Variants in BCL2L12 observed in about 807,000 individuals in gnomAD.
BCL2L12 encodes bcl-2-like protein 12.
In BCL2L12, 27 loss-of-function variants were observed where a neutral mutation model predicts 25.7. That is an observed-to-expected ratio of 1.05 (90% CI 0.78 to 1.45). BCL2L12 has a LOEUF of 1.45. Among genes scored for constraint, BCL2L12 ranks in the 40% most tolerant of loss-of-function variants. The pLI is 0.00. For missense variants in BCL2L12, 302 were observed against 329.8 expected (o/e 0.92, Z 0.65); for synonymous variants, 132 against 145.6 (o/e 0.91, Z 0.67).
intron 3 of BCL2L12, 145 bp from the exon 4 acceptor site, chr19:49,668,706 C>A: frequency 1.2e-6 from 1 of 822,970 alleles, no homozygotes; most frequent in Non-Finnish European, 1.8e-6. Context: ...AGGAGAATTG[C>A]GAGACTCCGT....
In BCL2L12 at chr19:49,669,302, G is replaced by A. The variant is rs1229466350; in HGVS notation, c.429+187G>A. 1.1e-5 allele frequency: 13 copies of A among 1,159,358 alleles called. 1 individual carries two copies. In the Admixed American group the frequency reaches 1.5e-4, roughly 13 times the overall value. 71.8% of individuals were successfully genotyped at this position (1,159,358 alleles called of 1,614,324 possible). A position where few individuals can be genotyped will look rare whatever the true frequency, so the allele number is the denominator to read the frequency against. On this transcript the variant is annotated intron_variant, in intron 5 of 6. Coordinates refer to ENST00000246784, the MANE Select transcript of BCL2L12 (RefSeq NM_138639.2). ...TGTAATCCCAGCACTTTGGGAGGCC[G>A]AGTTGGGTGGATGACTTGAGGTCAG... is the stretch of plus-strand genomic sequence containing the variant.
chr19:49,669,223 A>G (rs2081897688), intron 5 of BCL2L12, 108 bp downstream of exon 5: 2 of 1,509,386 alleles, frequency 1.3e-6, no homozygotes, highest in Admixed American at 4.2e-5. Context: ...AGGTGGAAAG[A>G]GGCTGGGACA....
At chr19:49,670,629 T>C (rs1163982685) in intron 6 of BCL2L12, 141 bp downstream of exon 6, 40 of 1,182,558 alleles carry the variant, frequency 3.4e-5, no homozygotes, top group Non-Finnish European at 4.4e-5. Flanking sequence ...GAGCCCTTGC[T>C]GTATGCCAGG....
In BCL2L12 at chr19:49,670,296, T is replaced by C. The variant is rs1256305948; in HGVS notation, c.510T>C (p.Cys170=). The C allele has an allele frequency of 6.2e-7, 1 of 1,610,984 alleles. No homozygotes were observed. Residue 170 remains cysteine (C), a synonymous_variant, in exon 6 of 7, where the codon TGT becomes TGC. Transcript: ENST00000246784. The part of the protein sequence containing the change: ...DSFARLVELF[C]SRDDSSRPSR... ...TCGCCCGCCTGGTGGAGCTGTTCTG[T>C]AGCCGGGATGACAGCTCTCGCCCAA...
At chr19:49,667,291 C>T in intron 3 of BCL2L12, 130 bp downstream of exon 3, 1 of 1,266,476 alleles carries the variant, frequency 7.9e-7, no homozygotes, top group Non-Finnish European at 1.1e-6. Context: ...CCGTCCTGTC[C>T]TCTCCCCTCC....
intron 4 of BCL2L12, 43 bp from the exon 5 acceptor site, chr19:49,668,981 T>G: frequency 6.2e-7 from 1 of 1,613,838 alleles, no homozygotes; most frequent in Non-Finnish European, 8.5e-7. Context: ...GGTGGGAGGA[T>G]AGTCAGGGTT....
At chr19:49,667,845 A>G (rs879468126) in intron 3 of BCL2L12, among the ~76,000 whole-genome samples, 4 of 152,040 alleles carry the variant, frequency 2.6e-5, no homozygotes, top group African/African-American at 4.8e-5. Flanking sequence ...CAGGGGTGCA[A>G]TCTCGACTCA....
At chr19:49,670,771 AC>A (rs998988548) in intron 6 of BCL2L12, among the ~76,000 whole-genome samples, 12 of 151,916 alleles carry the variant, frequency 7.9e-5, no homozygotes, top group Admixed American at 5.9e-4. Context: ...TAATCCCAGC[AC>A]TTTTGGAGGC....
Position 49,666,008 on chromosome 19 carries a change from G to T in BCL2L12, c.-68G>T. 6.3e-7 allele frequency: 1 copy of T among 1,590,006 alleles called. No homozygotes were observed. The highest frequency in any genetic ancestry group is 8.6e-7 in the Non-Finnish European group (1 of 1,166,720). On this transcript the variant is annotated 5_prime_UTR_variant, in exon 1 of 7. Coordinates refer to ENST00000246784, the MANE Select transcript of BCL2L12 (RefSeq NM_138639.2). ...AAAGTTGAACTAATAAAGTTTGTACGAGTTCAGTGGAGGAGACCGCAAGTT... is the reference window on the plus strand; with the variant it reads ...AAAGTTGAACTAATAAAGTTTGTACTAGTTCAGTGGAGGAGACCGCAAGTT...
At chr19:49,670,513 C>T (rs562138186) in intron 6 of BCL2L12, 25 bp downstream of exon 6, 14 of 1,534,760 alleles carry the variant, frequency 9.1e-6, no homozygotes, top group East Asian at 2.5e-5. Flanking sequence ...CCTCTCTCTC[C>T]GGGCCTCACT....
At chr19:49,669,157 G>A (rs2081895961) in intron 5 of BCL2L12, 42 bp downstream of exon 5, 1 of 1,605,674 alleles carries the variant, frequency 6.2e-7, no homozygotes. Context: ...GACAGGAGTT[G>A]CGGAATGGTG....
rs1381054217 is a variant in BCL2L12 at position 49,670,413 on chromosome 19, G to T, written c.627G>T (p.Leu209=). Reference sequence around the variant, plus strand: ...AGCTGAGCCGGCGCGTGGCCGGGCTGGGGGGCACCCTGGCCGGACTCAGCG... The same window carrying T: ...AGCTGAGCCGGCGCGTGGCCGGGCTTGGGGGCACCCTGGCCGGACTCAGCG... ...AMELSRRVAG[L]GGTLAGLSVE... Residue 209 remains leucine (L), a synonymous_variant, in exon 6 of 7, where the codon CTG becomes CTT. Transcript: ENST00000246784. 1 of 1,543,492 alleles carries T rather than the reference G, an allele frequency of 6.5e-7. No individual in the cohort carries two copies.
intron 3 of BCL2L12, among the ~76,000 whole-genome samples, chr19:49,667,572 C>G (rs1378916003): frequency 6.6e-6 from 1 of 152,158 alleles, no homozygotes; most frequent in Non-Finnish European, 1.5e-5. Flanking sequence ...TGGACTTGAT[C>G]AAGGTGACCC....
intron 3 of BCL2L12, among the ~76,000 whole-genome samples, chr19:49,668,328 A>G (rs558723306): frequency 2.2e-4 from 33 of 150,256 alleles, no homozygotes; most frequent in Non-Finnish European, 1.0e-4. Context: ...CGAACTCCCA[A>G]CCTCAGGTGA....
At position 49,668,720 on chromosome 19, in the gene BCL2L12, C is replaced by A. The variant is rs1388947029; in HGVS notation, c.251-131C>A. The A allele has an allele frequency of 4.2e-6, 4 of 961,738 alleles. No homozygotes were observed. In the East Asian group the frequency reaches 1.1e-4, roughly 26 times the overall value. 59.6% of individuals were successfully genotyped at this position (961,738 alleles called of 1,614,324 possible). On this transcript the variant is annotated intron_variant, in intron 3 of 6. Transcript: ENST00000246784. ...CAGGAGAATTGCGAGACTCCGTTTC[C>A]CAAAATCAATACATAAATAAATAAT...
At position 49,669,111 on chromosome 19, in the gene BCL2L12, A is replaced by G. The variant is rs377666954; in HGVS notation, c.425A>G (p.Gln142Arg). 6 of 1,613,766 alleles carry G rather than the reference A, an allele frequency of 3.7e-6. No individual in the cohort carries two copies. In the Admixed American group the frequency reaches 6.7e-5, roughly 18 times the overall value. Residue 142 changes from glutamine to arginine, a missense_variant, in exon 5 of 7, where the codon CAG becomes CGG. Gln to Arg is a conservative substitution (Grantham distance 43, BLOSUM62 1). Transcript: ENST00000246784. ...GAGGAGGAGGCAGAAGTCATTAACC[A>G]GAAGGTGATGGGCATCTGTCCCACT... ...LLEEEAEVINQKLASDPALRS... is the reference protein window; with the variant it reads ...LLEEEAEVINRKLASDPALRS...
chr19:49,673,589 C>G, intron 6 of BCL2L12, 109 bp from the exon 7 acceptor site: 6 of 935,992 alleles, frequency 6.4e-6, no homozygotes, highest in Middle Eastern at 4.6e-4. Context: ...ACCCTCCGCT[C>G]TCTGGTTCCT....
intron 6 of BCL2L12, among the ~76,000 whole-genome samples, chr19:49,673,410 A>G (rs184882632): frequency 1.9e-3 from 283 of 151,816 alleles, no homozygotes; most frequent in Non-Finnish European, 3.4e-3. Context: ...TCTCTTCCCC[A>G]TCTCTGACTC....
upstream of BCL2L12, chr19:49,665,838 TG>T (rs2081711617): frequency 5.6e-6 from 9 of 1,596,926 alleles, no homozygotes; most frequent in African/African-American, 2.7e-5. Context: ...GACGGCCCGC[TG>T]GGCTGTTCCC....
Sources: allele counts gnomAD v4.1 joint callset (sites outside exome capture counted in the v4.1 genomes callset), GRCh38; gene constraint gnomAD v4.1.1; transcripts MANE v1.5; gene names NCBI Gene and HGNC (gene_info 2026-07-23, HGNC 2026-07-21).